LPA: variants seen among roughly 807,000 people sequenced by gnomAD.
The protein encoded by LPA is lipoprotein(a).
In LPA, 199 loss-of-function variants were observed where a neutral mutation model predicts 197.9. The ratio of observed to expected loss-of-function variants is 1.01; its 90% CI spans 0.90 to 1.13. The LOEUF (loss-of-function observed/expected upper bound fraction) is 1.13. LPA is among the 50% of genes most tolerant of loss of function. The probability of loss-of-function intolerance (pLI) is 0.00; values close to 1 mark genes in which losing one functional copy is unlikely to be tolerated. For missense variants in LPA, 1,853 were observed against 1,785.8 expected, an observed-to-expected ratio of 1.04 and a Z score of -0.68; for synonymous variants, 715 against 639.5, an observed-to-expected ratio of 1.12 and a Z score of -1.78.
At chr6:160,634,603 C>G in intron 7 of LPA, among the ~76,000 whole-genome samples, 1 of 147,952 alleles carries the variant, frequency 6.8e-6, no homozygotes, top group Non-Finnish European at 1.5e-5. Flanking sequence ...CCTTCAAAGC[C>G]TAGGACTGAA....
At chr6:160,606,946 TCCTTCTG>T (rs1169569798) in intron 16 of LPA, among the ~76,000 whole-genome samples, 2 of 152,172 alleles carry the variant, frequency 1.3e-5, no homozygotes, top group Non-Finnish European at 2.9e-5. Flanking sequence ...CAGAGTATTC[TCCTTCTG>T]CCTTCTGCCC....
At chr6:160,591,588 A>G (rs991938418) in intron 22 of LPA, among the ~76,000 whole-genome samples, 11 of 152,212 alleles carry the variant, frequency 7.2e-5, no homozygotes, top group Non-Finnish European at 1.3e-4. Context: ...TCATGAATTT[A>G]TTCACATACA....
chr6:160,570,821 G>C (rs1778549382), intron 28 of LPA, among the ~76,000 whole-genome samples: 1 of 152,090 alleles, frequency 6.6e-6, no homozygotes, highest in East Asian at 1.9e-4. Context: ...TGTGTCTTCA[G>C]GTTGCTCTTC....
At chr6:160,537,727 C>G (rs1777915762) in intron 37 of LPA, 128 bp downstream of exon 37, 4 of 863,826 alleles carry the variant, frequency 4.6e-6, no homozygotes. Flanking sequence ...GGTGTCCAGG[C>G]AAAGTCAGGA....
intron 1 of LPA, among the ~76,000 whole-genome samples, chr6:160,656,818 T>C (rs1320987422): frequency 1.3e-5 from 2 of 152,226 alleles, no homozygotes; most frequent in Non-Finnish European, 2.9e-5. Flanking sequence ...TCTCTGTTTT[T>C]ATAATTCAGA....
At position 160,540,132 on chromosome 6, in the gene LPA, C is replaced by T; in HGVS notation, c.5646G>A (p.Val1882=). ...YKVILGAHQE[V]NLESHVQEIE... is the part of the protein sequence containing the mutation. The stretch of plus-strand genomic sequence containing the variant: ...TTTCCTGAACATGAGATTCGAGGTT[C>T]ACTTCTTGGTGTGCACCCAGGATGA... Residue 1882 remains valine, a synonymous_variant, in exon 36 of 39, where the codon GTG becomes GTA. Coordinates refer to ENST00000316300, the MANE Select transcript of LPA (RefSeq NM_005577.4). The T allele has an allele frequency of 6.2e-7, 1 of 1,614,152 alleles. No individual in the cohort carries two copies. Among genetic ancestry groups the T allele is most frequent in the Non-Finnish European group, 8.5e-7 (1 of 1,180,020 alleles).
At chr6:160,648,057 G>A (rs1779934155) in intron 2 of LPA, among the ~76,000 whole-genome samples, 1 of 152,176 alleles carries the variant, frequency 6.6e-6, no homozygotes, top group South Asian at 2.1e-4. Context: ...AGTGCACAAT[G>A]TGCATTCCTC....
chr6:160,586,237 T>A (rs1778907250), intron 25 of LPA, among the ~76,000 whole-genome samples: 1 of 152,256 alleles, frequency 6.6e-6, no homozygotes, highest in East Asian at 1.9e-4. Context: ...AGAGGGTCTG[T>A]GCCCCTTTTA....
rs1479317198 is a variant in LPA at position 160,599,766 on chromosome 6, T to A, written c.3128-107A>T. ...AAAGAGTCACTGAGATTTACAACCA[T>A]TCTCTATTCTTTATTAATAGGCAAA... is the stretch of plus-strand genomic sequence containing the variant. On this transcript the variant is annotated intron_variant, in intron 19 of 38. Transcript: ENST00000316300. 3 of 1,237,348 alleles carry A rather than the reference T, an allele frequency of 2.4e-6. No individual in the cohort carries two copies. In the East Asian group the frequency reaches 7.1e-5, roughly 29 times the overall value. The allele number at this position is 1,237,348 out of a possible 1,614,324, so 76.6% of individuals were successfully genotyped here. A position where few individuals can be genotyped will look rare whatever the true frequency, so the allele number is the denominator to read the frequency against.
rs1254475586 is a variant in LPA at position 160,650,475 on chromosome 6, C to T, written c.72G>A (p.Val24=). ...CATCACCATGGTAGCAATCCTGGAC[C>T]ACATGGCTTTGCTCAGGTGCTGCTA... is the stretch of plus-strand genomic sequence containing the variant. ...LKSAAPEQSH[V]VQDCYHGDGQ... is the part of the protein sequence containing the mutation. Residue 24 remains valine, a synonymous_variant, in exon 2 of 39, where the codon GTG becomes GTA. Transcript: ENST00000316300. 2 of 1,613,690 alleles carry T rather than the reference C, an allele frequency of 1.2e-6. No individual in the cohort carries two copies. The highest frequency in any genetic ancestry group is 2.2e-5 in the East Asian group (1 of 44,856).
At chr6:160,590,504 A>G (rs1272546104) in intron 23 of LPA, among the ~76,000 whole-genome samples, 1 of 152,184 alleles carries the variant, frequency 6.6e-6, no homozygotes, top group African/African-American at 2.4e-5. Flanking sequence ...AAGTCATATC[A>G]GGTTTCTCAA....
At chr6:160,589,527 T>C (rs1445093602) in intron 24 of LPA, 26 bp downstream of exon 24, 1 of 1,612,250 alleles carries the variant, frequency 6.2e-7, no homozygotes. Flanking sequence ...TGGCTGTTTC[T>C]CTTGGGAGAA....
chr6:160,604,035 C>T (rs1011804813), intron 18 of LPA, among the ~76,000 whole-genome samples: 1 of 152,162 alleles, frequency 6.6e-6, no homozygotes, highest in Non-Finnish European at 1.5e-5. Flanking sequence ...ATATTCTTTT[C>T]TCTACTTTCT....
At chr6:160,570,212 A>G (rs936373208) in intron 28 of LPA, among the ~76,000 whole-genome samples, 1 of 152,234 alleles carries the variant, frequency 6.6e-6, no homozygotes, top group Non-Finnish European at 1.5e-5. Context: ...ACTATTCACA[A>G]TAGCAAAGAC....
chr6:160,555,504 AAC>A lies in LPA; in HGVS notation c.4973+519_4973+520del, dbSNP rs1778247430. On this transcript the variant is annotated intron_variant, in intron 30 of 38. Transcript: ENST00000316300. ...ATATATATGAATACTAGTCTGTATG[AAC>A]ATATATATATGAACATATATATGAA... 2.1e-5 allele frequency among the ~76,000 whole-genome samples: 3 copies of A among 144,314 alleles called. No homozygotes were observed. The Admixed American group carries it at 2.1e-4, about 10-fold the overall frequency. The allele number at this position is 144,314 out of a possible 152,430, so 94.7% of individuals were successfully genotyped here. A position where few individuals can be genotyped will look rare whatever the true frequency, so the allele number is the denominator to read the frequency against.
intron 23 of LPA, among the ~76,000 whole-genome samples, chr6:160,590,456 TACTGTTACCTAG>T (rs1303950728): frequency 5.3e-5 from 8 of 152,182 alleles, no homozygotes; most frequent in African/African-American, 1.4e-4. Context: ...GCTGGCTATG[TACTGTTACCTAG>T]ACCCAGGAGG....
intron 1 of LPA, among the ~76,000 whole-genome samples, chr6:160,658,948 T>C (rs1316789084): frequency 1.3e-5 from 2 of 152,048 alleles, no homozygotes; most frequent in Non-Finnish European, 2.9e-5. Context: ...AGTATACCTA[T>C]ATCTATCTAT....
chr6:160,592,027 T>A (rs1344043006), intron 22 of LPA, among the ~76,000 whole-genome samples: 1 of 152,178 alleles, frequency 6.6e-6, no homozygotes, highest in Non-Finnish European at 1.5e-5. Flanking sequence ...TATACCTGAG[T>A]CATTGAGCTT....
rs1780069229 is a variant in LPA, at chr6:160,654,016, A to G, written c.50-3519T>C. Among the ~76,000 whole-genome samples, 2 of 4,102 alleles carry G rather than the reference A, an allele frequency of 4.9e-4. 1 individual carries two copies. Among genetic ancestry groups the G allele is most frequent in the Admixed American group, 0.01 (2 of 200 alleles). 2.7% of individuals were successfully genotyped at this position (4,102 alleles called of 152,430 possible). On this transcript the variant is annotated intron_variant, in intron 1 of 38. Coordinates refer to ENST00000316300, the MANE Select transcript of LPA (RefSeq NM_005577.4). ...ATATATTATATATAATATATATTAT[A>G]TATAATATATAATATATATTATATA...
Sources: allele counts gnomAD v4.1 joint callset (sites outside exome capture counted in the v4.1 genomes callset), GRCh38; gene constraint gnomAD v4.1.1; transcripts MANE v1.5; gene names NCBI Gene and HGNC (gene_info 2026-07-23, HGNC 2026-07-21).